ENPP6: variants seen among roughly 807,000 people sequenced by gnomAD.
The protein encoded by ENPP6 is ectonucleotide pyrophosphatase/phosphodiesterase 6.
ENPP6 carries 32 observed loss-of-function variants against 42.0 expected under a neutral mutation model. That is an observed-to-expected ratio of 0.76 (90% CI 0.58 to 1.02). The LOEUF is 1.02. Ranked by LOEUF, ENPP6 falls within the 50% of genes least tolerant of loss-of-function variation. The probability of loss-of-function intolerance (pLI) is 0.00; values close to 1 mark genes in which losing one functional copy is unlikely to be tolerated. For synonymous variants in ENPP6, 213 were observed against 216.0 expected, an observed-to-expected ratio of 0.99 and a Z score of 0.12; for missense variants, 552 against 566.8, an observed-to-expected ratio of 0.97 and a Z score of 0.27.
chr4:184,091,460 T>TA, intron 7 of ENPP6, 78 bp from the exon 8 acceptor site: 1 of 1,340,772 alleles, frequency 7.5e-7, no homozygotes, highest in Non-Finnish European at 1.0e-6. Context: ...AAAGAAGAAT[T>TA]ACATTCAGGC....
chr4:184,127,153 T>C (rs1579622800), intron 2 of ENPP6, among the ~76,000 whole-genome samples: 1 of 152,118 alleles, frequency 6.6e-6, no homozygotes, highest in African/African-American at 2.4e-5. Flanking sequence ...GTAAAACATA[T>C]GACAGTAAGA....
At chr4:184,194,110 C>T (rs1054982537) in intron 1 of ENPP6, among the ~76,000 whole-genome samples, 1 of 152,178 alleles carries the variant, frequency 6.6e-6, no homozygotes, top group Admixed American at 6.5e-5. Flanking sequence ...GTTCCTCTTT[C>T]TTACCATCAT....
At chr4:184,175,932 T>TA (rs549800554) in intron 1 of ENPP6, among the ~76,000 whole-genome samples, 62 of 151,868 alleles carry the variant, frequency 4.1e-4, no homozygotes, top group Middle Eastern at 6.8e-3. Context: ...AGGTGTTGTG[T>TA]AAAAAATAGT....
chr4:184,120,270 G>A (rs145951228), intron 3 of ENPP6, among the ~76,000 whole-genome samples: 107 of 152,252 alleles, frequency 7.0e-4, no homozygotes, highest in African/African-American at 2.4e-3. Flanking sequence ...CTGGTGGCCC[G>A]TGGAAAGAGT....
At chr4:184,175,054 A>G (rs1737538155) in intron 1 of ENPP6, among the ~76,000 whole-genome samples, 1 of 152,012 alleles carries the variant, frequency 6.6e-6, no homozygotes, top group African/African-American at 2.4e-5. Flanking sequence ...GGAAGACCCC[A>G]CTCGATGTAG....
At chr4:184,187,718 A>G (rs1732656175) in intron 1 of ENPP6, among the ~76,000 whole-genome samples, 1 of 151,476 alleles carries the variant, frequency 6.6e-6, no homozygotes. Flanking sequence ...TTGTTTATAT[A>G]TGTGTTATTT....
chr4:184,158,322 A>G (rs965762347), intron 1 of ENPP6, among the ~76,000 whole-genome samples: 1 of 152,312 alleles, frequency 6.6e-6, no homozygotes, highest in South Asian at 2.1e-4. Flanking sequence ...TATTGTGAAC[A>G]GTCATCCCTT....
At chr4:184,148,902 G>A (rs1322209316) in intron 2 of ENPP6, among the ~76,000 whole-genome samples, 3 of 152,222 alleles carry the variant, frequency 2.0e-5, no homozygotes, top group African/African-American at 7.2e-5. Flanking sequence ...GAACAAAAGT[G>A]TGAGTGTAGT....
At chr4:184,172,507 G>C (rs566486836) in intron 1 of ENPP6, among the ~76,000 whole-genome samples, 50 of 152,240 alleles carry the variant, frequency 3.3e-4, no homozygotes, top group Middle Eastern at 6.8e-3. Flanking sequence ...CGGTCTGAAG[G>C]GTAATGCTGG....
chr4:184,176,642 C>T (rs536620087), intron 1 of ENPP6, among the ~76,000 whole-genome samples: 64 of 152,340 alleles, frequency 4.2e-4, no homozygotes, highest in African/African-American at 1.5e-3. Context: ...ACGTTGGCTC[C>T]TCAGGCACTC....
chr4:184,169,407 C>T (rs942144997), intron 1 of ENPP6, among the ~76,000 whole-genome samples: 10 of 152,126 alleles, frequency 6.6e-5, no homozygotes, highest in African/African-American at 2.2e-4. Flanking sequence ...GCCAGGGCCG[C>T]GGGGAGGGCA....
At chr4:184,120,066 T>C (rs766453841) in intron 3 of ENPP6, among the ~76,000 whole-genome samples, 1 of 152,256 alleles carries the variant, frequency 6.6e-6, no homozygotes, top group Middle Eastern at 3.4e-3. Context: ...ACTTGACACA[T>C]AGTAAAAGGG....
chr4:184,133,080 T>G (rs1387896917), intron 2 of ENPP6, among the ~76,000 whole-genome samples: 1 of 152,112 alleles, frequency 6.6e-6, no homozygotes, highest in African/African-American at 2.4e-5. Context: ...TAAATCTTCC[T>G]GTTTTGTTCA....
At chr4:184,202,915 T>C (rs1732927430) in intron 1 of ENPP6, among the ~76,000 whole-genome samples, 1 of 152,196 alleles carries the variant, frequency 6.6e-6, no homozygotes, top group Non-Finnish European at 1.5e-5. Context: ...AGCAAGCCTA[T>C]TGGGTAACAT....
chr4:184,156,433 C>CT (rs750723759), intron 1 of ENPP6, among the ~76,000 whole-genome samples: 3 of 152,236 alleles, frequency 2.0e-5, no homozygotes, highest in Non-Finnish European at 2.9e-5. Context: ...ACACAATGTA[C>CT]TGGCTTCTGC....
Position 184,142,798 on chromosome 4 carries a change from A to G in ENPP6, c.421+10756T>C, listed in dbSNP as rs115257089. 7.7e-3 allele frequency among the ~76,000 whole-genome samples: 1,177 copies of G among 152,338 alleles called. 22 individuals are homozygous for G. The highest frequency in any genetic ancestry group is 0.027 in the African/African-American group (1,123 of 41,578). On this transcript the variant is annotated intron_variant, in intron 2 of 7. Coordinates refer to ENST00000296741, the MANE Select transcript of ENPP6 (RefSeq NM_153343.4). Reference sequence around the variant, plus strand: ...GCAGATGGTGAAACTACAGCCAGGCATAATGAGGCCAAAGGCCGCGCTTTC... The same window carrying G: ...GCAGATGGTGAAACTACAGCCAGGCGTAATGAGGCCAAAGGCCGCGCTTTC...
At chr4:184,106,941 C>A (rs1560979687) in intron 6 of ENPP6, among the ~76,000 whole-genome samples, 1 of 152,146 alleles carries the variant, frequency 6.6e-6, no homozygotes, top group Non-Finnish European at 1.5e-5. Context: ...GAGTCTGCTG[C>A]AGACTACCCA....
chr4:184,195,213 T>C (rs1732776653), intron 1 of ENPP6, among the ~76,000 whole-genome samples: 1 of 152,276 alleles, frequency 6.6e-6, no homozygotes, highest in Middle Eastern at 3.4e-3. Context: ...GTTGTACGGA[T>C]TATTTCATCA....
rs73011506 is a variant in ENPP6, at chr4:184,215,508, G to C, written c.241+2071C>G. On this transcript the variant is annotated intron_variant, in intron 1 of 7. Coordinates refer to ENST00000296741, the MANE Select transcript of ENPP6 (RefSeq NM_153343.4). ...TCCAAGACAGTGGAGGTGATACCAG[G>C]TTCATGGCCTGGCATTTCCCAGCCT... is the stretch of plus-strand genomic sequence containing the variant. Among the ~76,000 whole-genome samples, 1,328 of 152,234 alleles carry C rather than the reference G, an allele frequency of 8.7e-3. 23 individuals carry two copies. Among genetic ancestry groups the C allele is most frequent in the African/African-American group, 0.03 (1,249 of 41,530 alleles).
Sources: gnomAD v4.1 joint callset for allele counts (sites outside exome capture counted in the v4.1 genomes callset) on GRCh38, gnomAD v4.1.1 for gene constraint, MANE v1.5 for transcripts, NCBI Gene and HGNC (gene_info 2026-07-23, HGNC 2026-07-21) for gene names.